The following ZNF678 variants were observed in gnomAD, a reference collection of about 807,000 sequenced individuals.
The protein encoded by ZNF678 is zinc finger protein 678.
A neutral mutation model predicts 3.0 loss-of-function variants in ZNF678; 5 were observed. The ratio of observed to expected loss-of-function variants is 1.69; its 90% CI spans 0.88 to 3.56. The LOEUF (loss-of-function observed/expected upper bound fraction) is 3.56, where lower values mean the gene tolerates loss of function less well. Among genes scored for constraint, ZNF678 ranks in the 30% most tolerant of loss-of-function variants. The pLI, the probability that ZNF678 is intolerant of heterozygous loss-of-function variation, is 0.00. For synonymous variants in ZNF678, 218 were observed against 199.6 expected, an observed-to-expected ratio of 1.09 and a Z score of -0.78; for missense variants, 593 against 605.0, an observed-to-expected ratio of 0.98 and a Z score of 0.21.
chr1:227,665,528 CGGA>C (rs1659490282), downstream of ZNF678, among the ~76,000 whole-genome samples: 3 of 152,130 alleles, frequency 2.0e-5, no homozygotes, highest in Non-Finnish European at 4.4e-5. Context: ...GGTTGTAGGC[CGGA>C]GGCTTAAGGT....
At position 227,590,634 on chromosome 1, in the gene ZNF678, T is replaced by TA. The variant is rs1200981727; in HGVS notation, c.-164+26910_-164+26911insA. On this transcript the variant is annotated intron_variant, in intron 1 of 3. Transcript: ENST00000343776. ...AGCATAGACAGGGAAGCCCAGGAGTTCGCCTGTTTTTATGGGCAGTAGGAA... is the reference window on the plus strand; with the variant it reads ...AGCATAGACAGGGAAGCCCAGGAGTTACGCCTGTTTTTATGGGCAGTAGGAA... Among the ~76,000 whole-genome samples the TA allele has an allele frequency of 2.6e-5, 4 of 151,926 alleles. No homozygotes were observed. The South Asian group carries it at 8.3e-4, about 32-fold the overall frequency.
At chr1:227,596,112 C>T (rs188295174) in intron 1 of ZNF678, among the ~76,000 whole-genome samples, 12 of 152,310 alleles carry the variant, frequency 7.9e-5, no homozygotes, top group Admixed American at 5.9e-4. Context: ...GGCATCCCAC[C>T]AGGGCAAATG....
downstream of ZNF678, among the ~76,000 whole-genome samples, chr1:227,662,619 G>T (rs560120875): frequency 2.6e-5 from 4 of 152,246 alleles, no homozygotes; most frequent in South Asian, 8.3e-4. Flanking sequence ...ACTGAAAGGT[G>T]ACTCAAACTT....
intron 1 of ZNF678, among the ~76,000 whole-genome samples, chr1:227,605,572 C>T (rs1235105623): frequency 2.6e-5 from 4 of 152,042 alleles, no homozygotes; most frequent in South Asian, 2.1e-4. Flanking sequence ...ATATAGGTGC[C>T]CTTTAACAGG....
intron 1 of ZNF678, among the ~76,000 whole-genome samples, chr1:227,608,005 A>T (rs1657920726): frequency 6.6e-6 from 1 of 151,780 alleles, no homozygotes; most frequent in African/African-American, 2.4e-5. Context: ...AGACACATGA[A>T]CAACAATTAT....
intron 1 of ZNF678, among the ~76,000 whole-genome samples, chr1:227,600,863 G>A (rs574287441): frequency 2.0e-5 from 3 of 152,246 alleles, no homozygotes; most frequent in Admixed American, 1.3e-4. Flanking sequence ...TTGCCTGTCT[G>A]TATGTCCAGG....
chr1:227,672,135 C>T (rs1488610680), intron 5 of ZNF678, among the ~76,000 whole-genome samples: 3 of 152,188 alleles, frequency 2.0e-5, no homozygotes, highest in Admixed American at 6.5e-5. Flanking sequence ...TCAGGAAGGG[C>T]TTTGATGTAC....
At chr1:227,675,290 G>A (rs1368311446) in intron 5 of ZNF678, among the ~76,000 whole-genome samples, 1 of 152,172 alleles carries the variant, frequency 6.6e-6, no homozygotes, top group Non-Finnish European at 1.5e-5. Flanking sequence ...CTGCAATCCA[G>A]AAGACAGCCC....
intron 1 of ZNF678, among the ~76,000 whole-genome samples, chr1:227,593,966 T>G (rs1030455386): frequency 6.6e-6 from 1 of 151,644 alleles, no homozygotes; most frequent in African/African-American, 2.4e-5. Context: ...TTCCACCCTT[T>G]GATGAGAACG....
chr1:227,564,113 A>T (rs1656608020), intron 1 of ZNF678, among the ~76,000 whole-genome samples: 2 of 152,142 alleles, frequency 1.3e-5, no homozygotes, highest in South Asian at 4.1e-4. Flanking sequence ...GAGGAAAGGG[A>T]GTTTCATGAA....
Position 227,563,617 on chromosome 1 carries a change from C to T in ZNF678, c.-271C>T, listed in dbSNP as rs1656587388. ...ATTCTCGGCTATTTATCCCCAGCTG[C>T]GGGAGGCCCTGGTGACTCTGCTGCT... On this transcript the variant is annotated 5_prime_UTR_variant, in exon 1 of 4. Coordinates refer to ENST00000343776, the MANE Select transcript of ZNF678 (RefSeq NM_001367909.1). 1 of 1,180,908 alleles carries T rather than the reference C, an allele frequency of 8.5e-7. No individual in the cohort carries two copies. The highest frequency in any genetic ancestry group is 1.1e-6 in the Non-Finnish European group (1 of 874,736). The allele number at this position is 1,180,908 out of a possible 1,614,324, so 73.2% of individuals were successfully genotyped here. A position where few individuals can be genotyped will look rare whatever the true frequency, so the allele number is the denominator to read the frequency against.
chr1:227,598,292 A>G, intron 1 of ZNF678: 2 of 910,940 alleles, frequency 2.2e-6, no homozygotes, highest in Non-Finnish European at 2.9e-6. Context: ...CTGAGTGGCT[A>G]CTGAATAGTC....
chr1:227,580,717 G>A (rs992875174), intron 1 of ZNF678, among the ~76,000 whole-genome samples: 1 of 152,108 alleles, frequency 6.6e-6, no homozygotes, highest in South Asian at 2.1e-4. Context: ...ATCATCTGAG[G>A]TCGGGAGTTC....
Position 227,654,788 on chromosome 1 carries a change from C to T in ZNF678, c.538C>T (p.Pro180Ser), listed in dbSNP as rs573145545. 6.2e-7 allele frequency: 1 copy of T among 1,613,124 alleles called. No individual in the cohort carries two copies. Among genetic ancestry groups the T allele is most frequent in the East Asian group, 2.2e-5 (1 of 44,828 alleles). The change falls in exon 4 of 4, where the codon CCC (proline) becomes TCC (serine). Residue 180 changes from proline to serine, a missense_variant. Physicochemically the swap from Pro to Ser is moderately conservative, Grantham distance 74 (BLOSUM62 -1). Coordinates refer to ENST00000343776, the MANE Select transcript of ZNF678 (RefSeq NM_001367909.1). ...TAAGAAAATTCATACTGGAGAGAAA[C>T]CCTACAAATGTGATGAATGTGACAA... The part of the protein sequence containing the change: ...NHKKIHTGEK[P>S]YKCDECDKVF...
intron 1 of ZNF678, among the ~76,000 whole-genome samples, chr1:227,608,073 T>C (rs1021854209): frequency 6.6e-6 from 1 of 151,934 alleles, no homozygotes; most frequent in African/African-American, 2.4e-5. Context: ...TCTTTAAAAC[T>C]TTAAAGTTTA....
At chr1:227,666,018 T>G (rs1659499573), downstream of ZNF678, among the ~76,000 whole-genome samples, 1 of 152,246 alleles carries the variant, frequency 6.6e-6, no homozygotes, top group Admixed American at 6.5e-5. Flanking sequence ...ATCTTAATTT[T>G]CAGAGTGAGT....
intron 1 of ZNF678, among the ~76,000 whole-genome samples, chr1:227,637,561 A>G (rs73094566): frequency 1.1e-4 from 16 of 152,148 alleles, no homozygotes; most frequent in Non-Finnish European, 1.5e-4. Context: ...ACCTAATGCA[A>G]CTCCATGCTG....
At chr1:227,637,168 A>G (rs1658699004) in intron 1 of ZNF678, among the ~76,000 whole-genome samples, 1 of 152,190 alleles carries the variant, frequency 6.6e-6, no homozygotes, top group South Asian at 2.1e-4. Flanking sequence ...TGGAAGAGGT[A>G]TAAGTAAGGT....
At position 227,655,796 on chromosome 1, in the gene ZNF678, C is replaced by T. The variant is rs746880341; in HGVS notation, c.1546C>T (p.Pro516Ser). Residue 516 changes from proline (P) to serine (S), a missense_variant, in exon 4 of 4, where the codon CCT (proline) becomes TCT (serine). Pro to Ser is a moderately conservative substitution (Grantham distance 74). Coordinates refer to ENST00000343776, the MANE Select transcript of ZNF678 (RefSeq NM_001367909.1). ...TAAGAGAATTTATACTGGAGAGGAA[C>T]CTGACAAATGTAAAAAATGTGGCAG... Reference protein sequence around the residue: ...KYKRIYTGEEPDKCKKCGSL With the variant: ...KYKRIYTGEESDKCKKCGSL 5 of 1,578,568 alleles carry T rather than the reference C, an allele frequency of 3.2e-6. No individual in the cohort carries two copies. Among genetic ancestry groups the T allele is most frequent in the Non-Finnish European group, 4.3e-6 (5 of 1,166,272 alleles).
Sources: allele counts gnomAD v4.1 joint callset (sites outside exome capture counted in the v4.1 genomes callset), GRCh38; gene constraint gnomAD v4.1.1; transcripts MANE v1.5; gene names NCBI Gene and HGNC (gene_info 2026-07-23, HGNC 2026-07-21).